Variants in SFSWAP observed in about 807,000 individuals in gnomAD.
The protein encoded by SFSWAP is splicing factor, suppressor of white-apricot homolog.
In SFSWAP, 17 loss-of-function variants were observed where a neutral mutation model predicts 100.7. The observed-to-expected ratio is 0.17, with a 90% CI of 0.12 to 0.25. The LOEUF is 0.25. SFSWAP is among the 10% of genes least tolerant of loss of function. SFSWAP has a pLI of 1.00. For synonymous variants in SFSWAP, 504 were observed against 510.1 expected, an observed-to-expected ratio of 0.99 and a Z score of 0.16; for missense variants, 1,005 against 1,262.6, an observed-to-expected ratio of 0.80 and a Z score of 3.09.
rs767000437 is a variant in SFSWAP at position 131,719,543 on chromosome 12, T to C, written c.606+4T>C. On this transcript the variant is annotated splice_donor_region_variant and intron_variant, in intron 4 of 17. Coordinates refer to ENST00000261674, the MANE Select transcript of SFSWAP (RefSeq NM_004592.4). ...CGTCCCGTCTGACGTGGAGTTGGTA[T>C]GTGTCCTGCATGAGCACTAGTTGTC... 4.4e-6 allele frequency: 7 copies of C among 1,607,170 alleles called. No homozygotes were observed. Among genetic ancestry groups the C allele is most frequent in the Non-Finnish European group, 6.0e-6 (7 of 1,173,628 alleles).
chr12:131,780,494 A>AT lies in SFSWAP; in HGVS notation c.2408+2173dup, dbSNP rs1001565571. The stretch of plus-strand genomic sequence containing the variant: ...TAGTGAAAACCTATCTCTACAAAAT[A>AT]TTTTTTTTTAATTAGCCAGGCATGG... On this transcript the variant is annotated intron_variant, in intron 14 of 17. Transcript: ENST00000261674. 1.6e-4 allele frequency among the ~76,000 whole-genome samples: 24 copies of AT among 151,656 alleles called. No homozygotes were observed. The East Asian group carries it at 3.7e-3, about 23-fold the overall frequency.
At chr12:131,776,160 A>C (rs772463467) in intron 13 of SFSWAP, among the ~76,000 whole-genome samples, 10 of 152,236 alleles carry the variant, frequency 6.6e-5, no homozygotes, top group Non-Finnish European at 8.8e-5. Context: ...TGTTACACTT[A>C]ACAGAATTTT....
chr12:131,753,052 T>G, intron 7 of SFSWAP, 71 bp from the exon 8 acceptor site: 2 of 1,583,974 alleles, frequency 1.3e-6, no homozygotes, highest in Non-Finnish European at 1.7e-6. Flanking sequence ...AGGGCTCTTG[T>G]GGCTGCATTG....
At chr12:131,748,555 A>C (rs1356524720) in intron 7 of SFSWAP, among the ~76,000 whole-genome samples, 2 of 152,220 alleles carry the variant, frequency 1.3e-5, no homozygotes, top group Admixed American at 1.3e-4. Context: ...GAACCTTCTC[A>C]GCACAGGAGT....
intron 7 of SFSWAP, among the ~76,000 whole-genome samples, chr12:131,748,218 CT>C (rs55709935): frequency 0.016 from 2,264 of 143,562 alleles, 44 homozygotes; most frequent in African/African-American, 0.053. Flanking sequence ...TATTTTAATT[CT>C]TTTTTTTTTT....
Position 131,766,180 on chromosome 12 carries a change from A to G in SFSWAP, c.2014A>G (p.Lys672Glu). 6.2e-7 allele frequency: 1 copy of G among 1,614,160 alleles called. No individual in the cohort carries two copies. The highest frequency in any genetic ancestry group is 8.5e-7 in the Non-Finnish European group (1 of 1,180,008). Reference protein sequence around the residue: ...AAREKLAQASKESKEKQLQAE... With the variant: ...AAREKLAQASEESKEKQLQAE... Reference sequence around the variant, plus strand: ...CCGGGAAAAGCTGGCCCAGGCGTCTAAGGAGTCAAAAGAGAAACAGCTTCA... The same window carrying G: ...CCGGGAAAAGCTGGCCCAGGCGTCTGAGGAGTCAAAAGAGAAACAGCTTCA... The change falls in exon 13 of 18, where the codon AAG becomes GAG. Residue 672 changes from lysine to glutamate, a missense_variant. Physicochemically the swap from Lys to Glu is moderately conservative, Grantham distance 56. This residue lies in a region of SFSWAP where 82 missense variants were observed against 131.0 expected (regional missense o/e 0.63). Transcript: ENST00000261674.
rs531589668 is a variant in SFSWAP, at chr12:131,768,183, G to A, written c.2142+1875G>A. On this transcript the variant is annotated intron_variant, in intron 13 of 17. Transcript: ENST00000261674. The stretch of plus-strand genomic sequence containing the variant: ...GCCTTCTCCTGGGAAACACAGCACT[G>A]CATGCAGATTGTCCACCGATGGTGT... Among the ~76,000 whole-genome samples the A allele has an allele frequency of 2.0e-5, 3 of 152,364 alleles. No individual in the cohort carries two copies. In the South Asian group the frequency reaches 6.2e-4, roughly 32 times the overall value.
intron 4 of SFSWAP, among the ~76,000 whole-genome samples, chr12:131,720,994 C>T (rs960910496): frequency 6.6e-6 from 1 of 152,140 alleles, no homozygotes; most frequent in African/African-American, 2.4e-5. Context: ...GCATCTGCTT[C>T]TGGGGAGGCC....
At chr12:131,782,863 A>G (rs987436516) in intron 14 of SFSWAP, among the ~76,000 whole-genome samples, 3 of 152,172 alleles carry the variant, frequency 2.0e-5, no homozygotes, top group Non-Finnish European at 4.4e-5. Flanking sequence ...ACTAGTTACG[A>G]CAAGGTAGTA....
chr12:131,720,667 T>C (rs898168522), intron 4 of SFSWAP, among the ~76,000 whole-genome samples: 7 of 152,222 alleles, frequency 4.6e-5, no homozygotes, highest in Admixed American at 1.3e-4. Context: ...GATCACTCGC[T>C]GCCACTCTAA....
chr12:131,767,475 C>A (rs1275610850), intron 13 of SFSWAP, among the ~76,000 whole-genome samples: 1 of 152,136 alleles, frequency 6.6e-6, no homozygotes, highest in Non-Finnish European at 1.5e-5. Context: ...AGGACACATC[C>A]TTTGAGGATT....
chr12:131,754,543 G>A (rs773694294), intron 9 of SFSWAP, 44 bp downstream of exon 9: 20 of 1,362,444 alleles, frequency 1.5e-5, no homozygotes, highest in African/African-American at 6.1e-5. Context: ...GCATTTGGGG[G>A]TTTCGTTTAG....
At chr12:131,790,752 A>G (rs911115512) in intron 15 of SFSWAP, among the ~76,000 whole-genome samples, 4 of 152,248 alleles carry the variant, frequency 2.6e-5, no homozygotes, top group Admixed American at 2.0e-4. Flanking sequence ...CACATGGACA[A>G]CTGTTTGTTG....
chr12:131,761,756 C>T (rs7971519), intron 11 of SFSWAP, among the ~76,000 whole-genome samples: 124,664 of 152,202 alleles, frequency 0.82, 53,561 homozygotes, highest in East Asian at 0.96. Flanking sequence ...CATAAAGAAG[C>T]AATTCCTGAT....
intron 3 of SFSWAP, among the ~76,000 whole-genome samples, chr12:131,717,936 G>A (rs1356974235): frequency 6.6e-6 from 1 of 152,092 alleles, no homozygotes; most frequent in Non-Finnish European, 1.5e-5. Context: ...TCACCATGTT[G>A]GCCAGACTGG....
chr12:131,753,734 C>T (rs529034768), intron 8 of SFSWAP, among the ~76,000 whole-genome samples: 5 of 152,172 alleles, frequency 3.3e-5, no homozygotes, highest in Admixed American at 2.0e-4. Context: ...ATAAAGTTGA[C>T]GCAGGTGATG....
chr12:131,754,351 A>C lies in SFSWAP; in HGVS notation c.1323-17A>C. The C allele has an allele frequency of 2.0e-6, 3 of 1,516,022 alleles. No homozygotes were observed. The highest frequency in any genetic ancestry group is 2.6e-6 in the Non-Finnish European group (3 of 1,132,148). 93.9% of individuals were successfully genotyped at this position (1,516,022 alleles called of 1,614,324 possible). ...AGCCCCTGAAGCCCAGGGGTCTCAC[A>C]GACTCTTCTCCTGCAGTGCACTTGC... On this transcript the variant is annotated splice_polypyrimidine_tract_variant and intron_variant, in intron 8 of 17. Coordinates refer to ENST00000261674, the MANE Select transcript of SFSWAP (RefSeq NM_004592.4).
chr12:131,738,701 C>T (rs1880281533), intron 7 of SFSWAP, among the ~76,000 whole-genome samples: 1 of 152,016 alleles, frequency 6.6e-6, no homozygotes, highest in Non-Finnish European at 1.5e-5. Context: ...TTTTTCTTTG[C>T]ATTTAATATA....
In SFSWAP at chr12:131,778,023, C is replaced by A; in HGVS notation, c.2143-42C>A. The A allele has an allele frequency of 6.3e-7, 1 of 1,576,602 alleles. No individual in the cohort carries two copies. The highest frequency in any genetic ancestry group is 1.2e-5 in the South Asian group (1 of 86,256). On this transcript the variant is annotated intron_variant, in intron 13 of 17. Transcript: ENST00000261674. The surrounding 1 kb of genome is among the most constrained non-coding windows in gnomAD (Gnocchi z 4.2). ...TTTATAGATATACATCTTCAATGTT[C>A]TGTTTTCCCTGTTAACACCCAGATT...
Sources: allele counts gnomAD v4.1 joint callset (sites outside exome capture counted in the v4.1 genomes callset), GRCh38; gene constraint gnomAD v4.1.1; regional missense constraint gnomAD v4.1.1; non-coding constraint Gnocchi (gnomAD v3.1); transcripts MANE v1.5; gene names NCBI Gene and HGNC (gene_info 2026-07-23, HGNC 2026-07-21).